The following MME variants were observed in gnomAD, a reference collection of about 807,000 sequenced individuals.
MME encodes neprilysin.
Under a neutral mutation model 113.2 loss-of-function variants are expected in MME, and 98 were observed. The observed-to-expected ratio is 0.87, with a 90% CI of 0.74 to 1.02. The LOEUF is 1.02. Among genes scored for constraint, MME ranks in the 50% least tolerant of loss-of-function variants. The pLI is 0.00. For missense variants in MME, 836 were observed against 896.0 expected (o/e 0.93, Z 0.86); for synonymous variants, 292 against 300.6 (o/e 0.97, Z 0.30).
At chr3:155,049,943 C>T (rs187464679) in intron 1 of MME, among the ~76,000 whole-genome samples, 5 of 152,184 alleles carry the variant, frequency 3.3e-5, no homozygotes, top group East Asian at 1.9e-4. Flanking sequence ...GTACTAAGCA[C>T]GGTACCCAAA....
At chr3:155,041,264 T>G (rs769220367) in intron 1 of MME, among the ~76,000 whole-genome samples, 1 of 152,174 alleles carries the variant, frequency 6.6e-6, no homozygotes, top group African/African-American at 2.4e-5. Flanking sequence ...CCCCAATCCA[T>G]CTACACAGCA....
rs189860884 is a variant in MME at position 155,088,444 on chromosome 3, G to A, written c.196+3350G>A. 2.7e-3 allele frequency among the ~76,000 whole-genome samples: 408 copies of A among 152,260 alleles called. 2 individuals carry two copies. Among genetic ancestry groups the A allele is most frequent in the Middle Eastern group, 0.014 (4 of 294 alleles). ...CACGCCTGTAATCCCAGCACTTTGG[G>A]AGGCTGAGGCGGGCAGATCACCTGA... On this transcript the variant is annotated intron_variant, in intron 3 of 22. Transcript: ENST00000360490.
rs146800323 is a variant in MME at position 155,051,941 on chromosome 3, A to G, written c.-11+27617A>G. Among the ~76,000 whole-genome samples, 314 of 152,364 alleles carry G rather than the reference A, an allele frequency of 2.1e-3. 1 individual carries two copies. The highest frequency in any genetic ancestry group is 7.3e-3 in the African/African-American group (305 of 41,600). ...AGAGCAAATTAGTTACTTCCTAGAT[A>G]CAATGATGGTTCAGGCATTGGATAA... is the stretch of plus-strand genomic sequence containing the variant. On this transcript the variant is annotated intron_variant, in intron 1 of 22. Transcript: ENST00000492661.
rs747692344 is a variant in MME at position 155,144,481 on chromosome 3, C to A, written c.1416+24C>A. On this transcript the variant is annotated intron_variant, in intron 14 of 22. Transcript: ENST00000360490. ...AGGTAAAGAGCAGACAGCTAACTAG[C>A]AAAGAAAAATCTTTGCTAGTATAGG... 6.4e-5 allele frequency: 94 copies of A among 1,470,324 alleles called. No homozygotes were observed. The East Asian group carries it at 2.1e-3, about 33-fold the overall frequency. 91.1% of individuals were successfully genotyped at this position (1,470,324 alleles called of 1,614,324 possible).
At chr3:155,100,072 G>A (rs1265177337) in intron 3 of MME, among the ~76,000 whole-genome samples, 1 of 152,170 alleles carries the variant, frequency 6.6e-6, no homozygotes, top group Non-Finnish European at 1.5e-5. Flanking sequence ...AAACTAAAGA[G>A]CTTCTGCGCA....
intron 14 of MME, 75 bp downstream of exon 14, chr3:155,144,532 A>G: frequency 1.1e-6 from 1 of 903,674 alleles, no homozygotes; most frequent in Non-Finnish European, 1.8e-6. Context: ...AAACATTTAG[A>G]AAAAAATATA....
intron 3 of MME, among the ~76,000 whole-genome samples, chr3:155,091,332 CAT>C (rs1311225092): frequency 2.6e-5 from 4 of 152,174 alleles, no homozygotes; most frequent in Non-Finnish European, 4.4e-5. Context: ...AAATATATAA[CAT>C]GTGTTTTTTA....
intron 1 of MME, among the ~76,000 whole-genome samples, chr3:155,074,524 C>T (rs187991372): frequency 6.6e-6 from 1 of 151,934 alleles, no homozygotes; most frequent in African/African-American, 2.4e-5. Flanking sequence ...CTCCGCTTCC[C>T]ACATTCAAGC....
intron 1 of MME, among the ~76,000 whole-genome samples, chr3:155,033,808 A>C (rs541675549): frequency 2.6e-5 from 4 of 152,280 alleles, no homozygotes; most frequent in South Asian, 2.1e-4. Flanking sequence ...TATTAAAAAA[A>C]AATGTAGTCC....
At chr3:155,091,782 C>A (rs74386569) in intron 3 of MME, among the ~76,000 whole-genome samples, 14 of 152,254 alleles carry the variant, frequency 9.2e-5, no homozygotes, top group Non-Finnish European at 1.5e-4. Context: ...GTTGCACAAG[C>A]TTTTGAATCC....
chr3:155,178,295 G>C (rs566695541), intron 22 of MME, among the ~76,000 whole-genome samples: 1 of 152,228 alleles, frequency 6.6e-6, no homozygotes, highest in African/African-American at 2.4e-5. Context: ...GGAGAGTTGT[G>C]GTGGAGAGGG....
chr3:155,115,246 C>A, intron 4 of MME, 91 bp downstream of exon 4: 1 of 1,478,934 alleles, frequency 6.8e-7, no homozygotes, highest in East Asian at 2.3e-5. Flanking sequence ...CAAGGAATGT[C>A]ACAGAAGATT....
chr3:155,064,149 G>A (rs1457273492), intron 1 of MME, among the ~76,000 whole-genome samples: 1 of 151,952 alleles, frequency 6.6e-6, no homozygotes, highest in African/African-American at 2.4e-5. Context: ...AATTAGCCGG[G>A]CATGGGGCAG....
chr3:155,129,851 C>G (rs182736801), intron 8 of MME, among the ~76,000 whole-genome samples: 4 of 152,182 alleles, frequency 2.6e-5, no homozygotes, highest in Admixed American at 1.3e-4. Flanking sequence ...ATAAACATAA[C>G]CATTCCCATT....
In MME at chr3:155,131,693, T is replaced by A. The variant is rs73875815; in HGVS notation, c.721-6409T>A. ...AAACAGTCCCTATGCTGGTCCAAGT[T>A]TGGGTCCTCTTAGGTCCCACGTTCC... On this transcript the variant is annotated intron_variant, in intron 8 of 22. Coordinates refer to ENST00000360490, the MANE Select transcript of MME (RefSeq NM_007289.4). 7.5e-3 allele frequency among the ~76,000 whole-genome samples: 1,139 copies of A among 152,266 alleles called. 17 individuals are homozygous for A. Among genetic ancestry groups the A allele is most frequent in the African/African-American group, 0.026 (1,067 of 41,558 alleles).
At chr3:155,167,103 A>T in intron 18 of MME, 82 bp downstream of exon 18, 1 of 1,497,020 alleles carries the variant, frequency 6.7e-7, no homozygotes. Flanking sequence ...TATTACTACA[A>T]AGCTACATTT....
rs1559950309 is a variant in MME at position 155,147,270 on chromosome 3, G to A, written c.1497+46G>A. On this transcript the variant is annotated intron_variant, in intron 15 of 22. Coordinates refer to ENST00000360490, the MANE Select transcript of MME (RefSeq NM_007289.4). Reference sequence around the variant, plus strand: ...CTCTGGACTACTGATACTTAGGGCTGGTAGTAGTGTCATTTTTAGCTATGG... The same window carrying A: ...CTCTGGACTACTGATACTTAGGGCTAGTAGTAGTGTCATTTTTAGCTATGG... 3.4e-6 allele frequency: 4 copies of A among 1,183,920 alleles called. No individual in the cohort carries two copies. In the Admixed American group the frequency reaches 6.8e-5, roughly 20 times the overall value. The allele number at this position is 1,183,920 out of a possible 1,614,324, so 73.3% of individuals were successfully genotyped here.
At chr3:155,046,863 T>C (rs1371085455) in intron 1 of MME, among the ~76,000 whole-genome samples, 2 of 152,122 alleles carry the variant, frequency 1.3e-5, no homozygotes, top group African/African-American at 4.8e-5. Flanking sequence ...GAGGATAAGG[T>C]TCTAAAGAAA....
At chr3:155,085,278 C>G (rs1715582313) in intron 3 of MME, 184 bp downstream of exon 3, 1 of 487,942 alleles carries the variant, frequency 2.0e-6, no homozygotes, top group Non-Finnish European at 3.7e-6. Flanking sequence ...CTTGTTTACT[C>G]TGAAAAATAT....
Sources: gnomAD v4.1 joint callset for allele counts (sites outside exome capture counted in the v4.1 genomes callset) on GRCh38, gnomAD v4.1.1 for gene constraint, MANE v1.5 for transcripts, NCBI Gene and HGNC (gene_info 2026-07-23, HGNC 2026-07-21) for gene names.